Variants in B3GNT2 observed in about 807,000 individuals in gnomAD.
B3GNT2 encodes UDP-GlcNAc:betaGal beta-1,3-N-acetylglucosaminyltransferase 2.
In B3GNT2, 12 loss-of-function variants were observed where a neutral mutation model predicts 27.6. That is an observed-to-expected ratio of 0.44 (90% CI 0.28 to 0.71). The LOEUF (loss-of-function observed/expected upper bound fraction) is 0.71, where lower values mean the gene tolerates loss of function less well. Among genes scored for constraint, B3GNT2 ranks in the 30% least tolerant of loss-of-function variants. The probability of loss-of-function intolerance (pLI) is 0.17; values close to 1 mark genes in which losing one functional copy is unlikely to be tolerated. For synonymous variants in B3GNT2, 192 were observed against 189.7 expected, an observed-to-expected ratio of 1.01 and a Z score of -0.10; for missense variants, 413 against 488.5, an observed-to-expected ratio of 0.85 and a Z score of 1.46.
At chr2:62,196,640 G>C (rs1674148634) in intron 1 of B3GNT2, among the ~76,000 whole-genome samples, 1 of 152,342 alleles carries the variant, frequency 6.6e-6, no homozygotes, top group African/African-American at 2.4e-5. Context: ...CGCCCGCTGC[G>C]GGGCTTTGGA....
At chr2:62,203,193 G>A (rs1674303970) in intron 1 of B3GNT2, among the ~76,000 whole-genome samples, 2 of 152,108 alleles carry the variant, frequency 1.3e-5, no homozygotes, top group South Asian at 4.1e-4. Flanking sequence ...GGAAACTGAG[G>A]GCTCAAACCA....
At chr2:62,217,651 T>C (rs1017954525) in intron 1 of B3GNT2, among the ~76,000 whole-genome samples, 2 of 152,184 alleles carry the variant, frequency 1.3e-5, no homozygotes, top group Admixed American at 6.5e-5. Flanking sequence ...GAACCCCGCA[T>C]GGGGCTGTGT....
chr2:62,208,622 G>A (rs1231080634), intron 1 of B3GNT2, among the ~76,000 whole-genome samples: 1 of 152,226 alleles, frequency 6.6e-6, no homozygotes, highest in African/African-American at 2.4e-5. Flanking sequence ...CCAGGGACCA[G>A]AGGGAGGGAT....
At chr2:62,212,821 C>A (rs1488492842) in intron 1 of B3GNT2, among the ~76,000 whole-genome samples, 1 of 151,984 alleles carries the variant, frequency 6.6e-6, no homozygotes, top group Non-Finnish European at 1.5e-5. Context: ...ATTAAACTTC[C>A]CTTTCTTAGA....
chr2:62,214,872 C>T (rs1303101042), intron 1 of B3GNT2, among the ~76,000 whole-genome samples: 2 of 152,172 alleles, frequency 1.3e-5, no homozygotes, highest in African/African-American at 2.4e-5. Flanking sequence ...CATCCTCAAA[C>T]GTCTGCTACC....
chr2:62,207,798 C>T (rs1432028221), intron 1 of B3GNT2, among the ~76,000 whole-genome samples: 1 of 152,166 alleles, frequency 6.6e-6, no homozygotes. Flanking sequence ...AGCTGTGTGG[C>T]CCCGTTCCTA....
chr2:62,213,488 T>G (rs898376275), intron 1 of B3GNT2, among the ~76,000 whole-genome samples: 1 of 152,056 alleles, frequency 6.6e-6, no homozygotes, highest in Non-Finnish European at 1.5e-5. Flanking sequence ...GGAGGGATAA[T>G]GGGTCTGCTG....
chr2:62,222,423 G>A lies in B3GNT2; in HGVS notation c.203G>A (p.Arg68Gln), dbSNP rs1217437994. 31 of 1,613,924 alleles carry A rather than the reference G, an allele frequency of 1.9e-5. No individual in the cohort carries two copies. Among genetic ancestry groups the A allele is most frequent in the Non-Finnish European group, 2.5e-5 (29 of 1,179,998 alleles). ...AACCGAGAGCAAGAGAAGCTGAACC[G>A]GCAGTACAACCCCATCCTGAGCATG... ...YWNREQEKLN[R>Q]QYNPILSMLT... Residue 68 changes from arginine (R) to glutamine (Q), a missense_variant, in exon 2 of 2, where the codon CGG becomes CAG. By Grantham distance (43) the Arg-to-Gln change is conservative (BLOSUM62 1). Coordinates refer to ENST00000301998, the MANE Select transcript of B3GNT2 (RefSeq NM_006577.6). This position sits in a 1 kb window ranked among gnomAD's most constrained non-coding sequence, Gnocchi z 4.2.
In B3GNT2 at chr2:62,223,288, T is replaced by C; in HGVS notation, c.1068T>C (p.Phe356=). Residue 356 remains phenylalanine (F), a synonymous_variant, in exon 2 of 2, where the codon TTT becomes TTC. Transcript: ENST00000301998. ...AGAAACACAAAGGCTTCAGGACATT[T>C]GATATCGAGGAGAAAAACAAAAATA... ...VPEKHKGFRT[F]DIEEKNKNNI... is the part of the protein sequence containing the mutation. 6.2e-7 allele frequency: 1 copy of C among 1,614,158 alleles called. No individual in the cohort carries two copies. The highest frequency in any genetic ancestry group is 8.5e-7 in the Non-Finnish European group (1 of 1,180,028).
At chr2:62,198,698 G>A (rs979661506) in intron 1 of B3GNT2, among the ~76,000 whole-genome samples, 5 of 152,200 alleles carry the variant, frequency 3.3e-5, no homozygotes, top group African/African-American at 1.2e-4. Flanking sequence ...TTAAAGAAAA[G>A]TCATGTTTTA....
intron 1 of B3GNT2, among the ~76,000 whole-genome samples, chr2:62,216,987 C>T (rs1046497384): frequency 6.6e-6 from 1 of 152,214 alleles, no homozygotes; most frequent in Admixed American, 6.5e-5. Context: ...GAACCTGGGA[C>T]TCTCAAAGCC....
At chr2:62,206,846 G>A (rs1674385213) in intron 1 of B3GNT2, among the ~76,000 whole-genome samples, 1 of 152,238 alleles carries the variant, frequency 6.6e-6, no homozygotes, top group African/African-American at 2.4e-5. Context: ...TGCAGTCTGA[G>A]GTTGTAGTAC....
intron 1 of B3GNT2, among the ~76,000 whole-genome samples, chr2:62,212,270 T>C (rs1674495076): frequency 6.6e-6 from 1 of 152,136 alleles, no homozygotes; most frequent in African/African-American, 2.4e-5. Flanking sequence ...CCAGCATCTG[T>C]TGCTCTGTTT....
chr2:62,201,918 A>C (rs576390889), intron 1 of B3GNT2, among the ~76,000 whole-genome samples: 1 of 152,228 alleles, frequency 6.6e-6, no homozygotes, highest in Admixed American at 6.5e-5. Flanking sequence ...TCGTAGGCCT[A>C]AGTTCAAATC....
rs570336122 is a variant in B3GNT2 at position 62,223,438 on chromosome 2, A to G, written c.*24A>G. 9.1e-6 allele frequency: 14 copies of G among 1,544,126 alleles called. No individual in the cohort carries two copies. The highest frequency in any genetic ancestry group is 8.3e-5 in the South Asian group (7 of 84,596). The stretch of plus-strand genomic sequence containing the variant: ...AAAATAGATACAAACTCAATTTTGC[A>G]TAGAAAGGTGTATTTTGAATAGTTC... On this transcript the variant is annotated 3_prime_UTR_variant, in exon 2 of 2. Transcript: ENST00000301998.
intron 1 of B3GNT2, among the ~76,000 whole-genome samples, chr2:62,213,201 G>A (rs1409041664): frequency 3.9e-5 from 6 of 152,272 alleles, no homozygotes; most frequent in African/African-American, 1.4e-4. Flanking sequence ...CTGCTCGAGA[G>A]GCTGAGGTGG....
chr2:62,209,958 A>G (rs796715232), intron 1 of B3GNT2, among the ~76,000 whole-genome samples: 10 of 152,350 alleles, frequency 6.6e-5, no homozygotes, highest in African/African-American at 1.7e-4. Flanking sequence ...GATTCTGCCT[A>G]TGGTGCGGAA....
chr2:62,208,884 A>G (rs993659773), intron 1 of B3GNT2, among the ~76,000 whole-genome samples: 2 of 152,076 alleles, frequency 1.3e-5, no homozygotes, highest in African/African-American at 2.4e-5. Flanking sequence ...CCGTGTGCTA[A>G]GTCAGATAAA....
chr2:62,214,297 C>T (rs977050445), intron 1 of B3GNT2, among the ~76,000 whole-genome samples: 3 of 152,078 alleles, frequency 2.0e-5, no homozygotes, highest in African/African-American at 7.2e-5. Flanking sequence ...TATTTGGGAA[C>T]ATAGTGGGAA....
Sources: gnomAD v4.1 joint callset for allele counts (sites outside exome capture counted in the v4.1 genomes callset) on GRCh38, gnomAD v4.1.1 for gene constraint, Gnocchi (gnomAD v3.1) non-coding constraint, MANE v1.5 for transcripts, NCBI Gene and HGNC (gene_info 2026-07-23, HGNC 2026-07-21) for gene names.